STK32B: variants seen among roughly 807,000 people sequenced by gnomAD.
STK32B encodes the protein serine/threonine kinase 32B.
In STK32B, 43 loss-of-function variants were observed where a neutral mutation model predicts 52.6. The ratio of observed to expected loss-of-function variants is 0.82; its 90% CI spans 0.64 to 1.05. The LOEUF is 1.05. STK32B is among the 50% of genes least tolerant of loss of function. The probability of loss-of-function intolerance (pLI) is 0.00; values close to 1 mark genes in which losing one functional copy is unlikely to be tolerated. For synonymous variants in STK32B, 238 were observed against 204.3 expected, an observed-to-expected ratio of 1.17 and a Z score of -1.41; for missense variants, 621 against 534.6, an observed-to-expected ratio of 1.16 and a Z score of -1.59.
chr4:5,251,310 A>G (rs1351072245), intron 3 of STK32B, among the ~76,000 whole-genome samples: 1 of 152,186 alleles, frequency 6.6e-6, no homozygotes, highest in African/African-American at 2.4e-5. Flanking sequence ...GTGGCTGGTT[A>G]GTTATCCCAG....
chr4:5,493,139 G>A (rs545127750), intron 11 of STK32B, among the ~76,000 whole-genome samples: 1 of 151,792 alleles, frequency 6.6e-6, no homozygotes, highest in African/African-American at 2.4e-5. Flanking sequence ...GATTGGAATA[G>A]TTTCAGAAGG....
rs772151370 is a variant in STK32B at position 5,456,803 on chromosome 4, G to T, written c.667-4G>T. The T allele has an allele frequency of 6.4e-7, 1 of 1,566,724 alleles. No homozygotes were observed. Among genetic ancestry groups the T allele is most frequent in the East Asian group, 2.3e-5 (1 of 42,996 alleles). ...TGATTCTGGCTGTTGTTCTTTGATTGCAGAGGCCGTACGAAATCCACTCGG... is the reference window on the plus strand; with the variant it reads ...TGATTCTGGCTGTTGTTCTTTGATTTCAGAGGCCGTACGAAATCCACTCGG... On this transcript the variant is annotated splice_region_variant and splice_polypyrimidine_tract_variant and intron_variant, in intron 7 of 11. Coordinates refer to ENST00000282908, the MANE Select transcript of STK32B (RefSeq NM_018401.3).
chr4:5,474,500 A>G (rs1350106670), intron 11 of STK32B, among the ~76,000 whole-genome samples: 2 of 152,226 alleles, frequency 1.3e-5, no homozygotes, highest in Non-Finnish European at 2.9e-5. Context: ...TAGTAAGAAA[A>G]GGAAAGGTTA....
intron 3 of STK32B, among the ~76,000 whole-genome samples, chr4:5,288,977 G>A (rs1314119789): frequency 6.6e-6 from 1 of 152,190 alleles, no homozygotes; most frequent in Non-Finnish European, 1.5e-5. Flanking sequence ...AATAAATGGT[G>A]TTCCAGCACC....
In STK32B at chr4:5,277,294, C is replaced by A. The variant is rs868593082; in HGVS notation, c.261-53926C>A. Among the ~76,000 whole-genome samples the A allele has an allele frequency of 2.0e-5, 3 of 152,300 alleles. No homozygotes were observed. The South Asian group carries it at 6.2e-4, about 32-fold the overall frequency. On this transcript the variant is annotated intron_variant, in intron 3 of 11. Transcript: ENST00000282908. The stretch of plus-strand genomic sequence containing the variant: ...TATTTGTGCAAGTGCATAACTCACT[C>A]TTTCTTTTCAGCAAAGGACAATGGA...
At chr4:5,102,474 TTCCTTCCTTCCTTCCTTCCCTCCCTCCC>T (rs1713847970) in intron 1 of STK32B, among the ~76,000 whole-genome samples, 1 of 133,060 alleles carries the variant, frequency 7.5e-6, no homozygotes, top group African/African-American at 2.9e-5. Context: ...CCTTCCTTCC[TTCCTTCCTTCCTTCCTTCCCTCCCTCCC>T]TCCCTCCCTC....
intron 1 of STK32B, among the ~76,000 whole-genome samples, chr4:5,067,862 C>T (rs889176180): frequency 1.3e-5 from 2 of 152,012 alleles, no homozygotes; most frequent in Non-Finnish European, 2.9e-5. Context: ...ATGGCTGGAG[C>T]AGGAGGATAA....
chr4:5,381,871 G>A lies in STK32B; in HGVS notation c.435-16336G>A, dbSNP rs577696079. Among the ~76,000 whole-genome samples the A allele has an allele frequency of 1.4e-4, 21 of 152,154 alleles. No individual in the cohort carries two copies. The South Asian group carries it at 3.5e-3, about 26-fold the overall frequency. ...GAAACAGAACCAACAGGATGTGTGC[G>A]TATGAAGGAGGGAGGGAAGGAAGGA... is the stretch of plus-strand genomic sequence containing the variant. On this transcript the variant is annotated intron_variant, in intron 4 of 11. Coordinates refer to ENST00000282908, the MANE Select transcript of STK32B (RefSeq NM_018401.3).
intron 2 of STK32B, among the ~76,000 whole-genome samples, chr4:5,140,820 C>G (rs1716387151): frequency 6.6e-6 from 1 of 152,198 alleles, no homozygotes; most frequent in Non-Finnish European, 1.5e-5. Context: ...CATGCAAACT[C>G]TGTACCAGGC....
At chr4:5,222,808 T>C (rs1421408485) in intron 3 of STK32B, among the ~76,000 whole-genome samples, 1 of 152,174 alleles carries the variant, frequency 6.6e-6, no homozygotes, top group East Asian at 1.9e-4. Flanking sequence ...TGGCCATGTA[T>C]ACAGTAAAAA....
At chr4:5,221,510 A>G (rs766828541) in intron 3 of STK32B, among the ~76,000 whole-genome samples, 22 of 152,194 alleles carry the variant, frequency 1.4e-4, no homozygotes, top group Non-Finnish European at 1.8e-4. Context: ...CAGGGAAGAC[A>G]TATTCAGGTG....
intron 3 of STK32B, among the ~76,000 whole-genome samples, chr4:5,277,756 C>G (rs1727927110): frequency 6.6e-6 from 1 of 152,036 alleles, no homozygotes; most frequent in Non-Finnish European, 1.5e-5. Flanking sequence ...TTTATTTTTT[C>G]TTTCATATCT....
chr4:5,306,121 A>C (rs1729911252), intron 3 of STK32B, among the ~76,000 whole-genome samples: 1 of 152,126 alleles, frequency 6.6e-6, no homozygotes, highest in South Asian at 2.1e-4. Flanking sequence ...TTTGTGGTCT[A>C]TCATGTGGTC....
At chr4:5,042,002 A>G in the STK32B span, among the ~76,000 whole-genome samples, 3 of 152,212 alleles carry the variant, frequency 2.0e-5, no homozygotes, top group African/African-American at 7.2e-5. Context: ...AGGGAATCAC[A>G]TTAGCTTCTA....
chr4:5,130,873 G>A (rs1419694917), intron 1 of STK32B, among the ~76,000 whole-genome samples: 1 of 152,118 alleles, frequency 6.6e-6, no homozygotes, highest in African/African-American at 2.4e-5. Flanking sequence ...AGATTTTCCT[G>A]AAATCCTTTC....
At chr4:5,484,659 AG>A (rs1220924347) in intron 11 of STK32B, among the ~76,000 whole-genome samples, 6 of 152,092 alleles carry the variant, frequency 3.9e-5, no homozygotes, top group African/African-American at 1.4e-4. Flanking sequence ...TTTGCTCGTT[AG>A]TTGATGCAGT....
chr4:5,428,888 T>A (rs2109088212), intron 6 of STK32B, among the ~76,000 whole-genome samples: 1 of 152,362 alleles, frequency 6.6e-6, no homozygotes, highest in Middle Eastern at 3.4e-3. Context: ...CTTTGCCTGA[T>A]ATTAATACAG....
rs200741998 is a variant in STK32B, at chr4:5,456,811, C to G, written c.671C>G (p.Pro224Arg). The change falls in exon 8 of 12, where the codon CCG (proline) becomes CGG (arginine). Residue 224 changes from proline to arginine, a missense_variant. Pro to Arg is a moderately radical substitution (Grantham distance 103). Coordinates refer to ENST00000282908, the MANE Select transcript of STK32B (RefSeq NM_018401.3). ...GCTGTTGTTCTTTGATTGCAGAGGC[C>G]GTACGAAATCCACTCGGTCACGCCC... ...TAYELLRGWR[P>R]YEIHSVTPID... 3 of 1,574,792 alleles carry G rather than the reference C, an allele frequency of 1.9e-6. No individual in the cohort carries two copies. The Admixed American group carries it at 5.3e-5, about 28-fold the overall frequency.
intron 3 of STK32B, among the ~76,000 whole-genome samples, chr4:5,318,673 G>T (rs949871780): frequency 6.6e-6 from 1 of 152,120 alleles, no homozygotes; most frequent in Non-Finnish European, 1.5e-5. Flanking sequence ...AGGTACACAG[G>T]TATGAGAGAG....
Sources: gnomAD v4.1 joint callset for allele counts (sites outside exome capture counted in the v4.1 genomes callset) on GRCh38, gnomAD v4.1.1 for gene constraint, MANE v1.5 for transcripts, NCBI Gene and HGNC (gene_info 2026-07-23, HGNC 2026-07-21) for gene names.